Variants in MRTFA observed in about 807,000 individuals in gnomAD.
The protein encoded by MRTFA is myocardin related transcription factor A, also known as myocardin-related transcription factor A.
In MRTFA, 20 loss-of-function variants were observed where a neutral mutation model predicts 83.5. The observed-to-expected ratio is 0.24, with a 90% CI of 0.17 to 0.35. MRTFA has a LOEUF of 0.35. Ranked by LOEUF, MRTFA falls within the 10% of genes least tolerant of loss-of-function variation. The probability of loss-of-function intolerance (pLI) is 1.00; values close to 1 mark genes in which losing one functional copy is unlikely to be tolerated. For synonymous variants in MRTFA, 659 were observed against 541.2 expected (o/e 1.22, Z -3.02); for missense variants, 1,200 against 1,224.7 (o/e 0.98, Z 0.30).
At chr22:40,587,937 C>T (rs2056056405) in intron 2 of MRTFA, 2 of 377,038 alleles carry the variant, frequency 5.3e-6, no homozygotes, top group Non-Finnish European at 1.0e-5. Flanking sequence ...GACAAAGTGA[C>T]ATTTTTGCCA....
At chr22:40,589,450 G>GT (rs2056085700) in intron 2 of MRTFA, among the ~76,000 whole-genome samples, 1 of 152,178 alleles carries the variant, frequency 6.6e-6, no homozygotes, top group Non-Finnish European at 1.5e-5. Flanking sequence ...GAGAGGTTAA[G>GT]TAACTGCTGA....
chr22:40,511,193 G>A (rs1255471122), intron 3 of MRTFA, among the ~76,000 whole-genome samples: 2 of 152,012 alleles, frequency 1.3e-5, no homozygotes, highest in African/African-American at 4.8e-5. Context: ...ATATGATATA[G>A]GGCAGAGAGA....
intron 3 of MRTFA, among the ~76,000 whole-genome samples, chr22:40,510,178 T>C (rs918414678): frequency 9.2e-5 from 14 of 152,294 alleles, no homozygotes; most frequent in Middle Eastern, 6.8e-3. Flanking sequence ...CCAGCCACTG[T>C]ATAATTTACA....
intron 3 of MRTFA, among the ~76,000 whole-genome samples, chr22:40,521,395 CAG>C (rs2054863171): frequency 6.6e-6 from 1 of 152,232 alleles, no homozygotes; most frequent in Non-Finnish European, 1.5e-5. Context: ...TTTTTTCACT[CAG>C]AGTAATTCTC....
intron 9 of MRTFA, 28 bp from the exon 10 acceptor site, chr22:40,421,128 T>G: frequency 6.6e-7 from 1 of 1,507,096 alleles, no homozygotes; most frequent in Non-Finnish European, 8.9e-7. Context: ...AGGGTGCCAT[T>G]CAGGGGCAGC....
intron 3 of MRTFA, among the ~76,000 whole-genome samples, chr22:40,470,971 A>C (rs1172898936): frequency 6.6e-6 from 1 of 152,056 alleles, no homozygotes; most frequent in Non-Finnish European, 1.5e-5. Flanking sequence ...AAAACAAAAA[A>C]CAAAAACAAC....
At chr22:40,629,127 T>G (rs1045058871) in intron 1 of MRTFA, among the ~76,000 whole-genome samples, 1 of 151,754 alleles carries the variant, frequency 6.6e-6, no homozygotes, top group African/African-American at 2.4e-5. Flanking sequence ...TCTTCTCTTC[T>G]CTACAAAAAA....
intron 1 of MRTFA, among the ~76,000 whole-genome samples, chr22:40,610,173 G>C (rs992569271): frequency 1.3e-5 from 2 of 150,512 alleles, no homozygotes; most frequent in African/African-American, 4.9e-5. Context: ...CAGCCTCCCG[G>C]GTAGCTGGGA....
chr22:40,566,484 T>A (rs2055705623), intron 2 of MRTFA, among the ~76,000 whole-genome samples: 1 of 151,992 alleles, frequency 6.6e-6, no homozygotes. Flanking sequence ...CCTCCCAAAG[T>A]GCTGGGATTA....
At chr22:40,595,309 G>A (rs9623198) in intron 1 of MRTFA, among the ~76,000 whole-genome samples, 1 of 151,518 alleles carries the variant, frequency 6.6e-6, no homozygotes, top group Non-Finnish European at 1.5e-5. Context: ...TTTTAGTGGA[G>A]ACGGGGTTTC....
At chr22:40,502,215 C>G in intron 3 of MRTFA, among the ~76,000 whole-genome samples, 1 of 145,556 alleles carries the variant, frequency 6.9e-6, no homozygotes, top group African/African-American at 2.6e-5. Context: ...ACGCTCCTCA[C>G]TTCCCAGATG....
chr22:40,519,017 G>T (rs1188832555), intron 3 of MRTFA, among the ~76,000 whole-genome samples: 21 of 141,736 alleles, frequency 1.5e-4, no homozygotes, highest in East Asian at 1.5e-3. Flanking sequence ...TGTTTTTGGG[G>T]TTTTTTTTTT....
chr22:40,413,047 G>T (rs1027521679), intron 14 of MRTFA, among the ~76,000 whole-genome samples: 1 of 143,414 alleles, frequency 7.0e-6, no homozygotes, highest in African/African-American at 2.6e-5. Context: ...TGAGGTAGGA[G>T]AATGGCTTGA....
chr22:40,417,996 C>CCTG (rs2052722885), intron 12 of MRTFA, among the ~76,000 whole-genome samples: 1 of 152,132 alleles, frequency 6.6e-6, no homozygotes, highest in Non-Finnish European at 1.5e-5. Context: ...TGAGCTGGAT[C>CCTG]CTGGCCAGAG....
chr22:40,599,193 G>T (rs1233844965), intron 1 of MRTFA, among the ~76,000 whole-genome samples: 1 of 151,876 alleles, frequency 6.6e-6, no homozygotes, highest in African/African-American at 2.4e-5. Flanking sequence ...AGCTACTCAG[G>T]AGGCTGAGGC....
chr22:40,619,592 TAAAC>T (rs1469657105), intron 1 of MRTFA, among the ~76,000 whole-genome samples: 1 of 151,970 alleles, frequency 6.6e-6, no homozygotes, highest in Non-Finnish European at 1.5e-5. Context: ...GGAGAAATGT[TAAAC>T]AAAAAGAAAT....
rs777102194 is a variant in MRTFA, at chr22:40,420,510, G to A, written c.1248C>T (p.Ser416=). ...GCCCAGGGGCGCCCGAGCTGGAGCT[G>A]CTATTGGTAGTGGAGAGGCTGCGTA... The change falls in exon 11 of 15, where the codon AGC becomes AGT. Residue 416 remains serine (S), a synonymous_variant. Transcript: ENST00000355630. 1.2e-6 allele frequency: 2 copies of A among 1,613,812 alleles called. No individual in the cohort carries two copies. Among genetic ancestry groups the A allele is most frequent in the Non-Finnish European group, 1.7e-6 (2 of 1,180,040 alleles).
intron 11 of MRTFA, 80 bp from the exon 12 acceptor site, chr22:40,419,464 C>T (rs1462066905): frequency 3.8e-6 from 5 of 1,318,408 alleles, no homozygotes; most frequent in Non-Finnish European, 4.3e-6. Context: ...GCAGTCTGGG[C>T]CCCATGGGCC....
intron 4 of MRTFA, among the ~76,000 whole-genome samples, chr22:40,449,375 G>A (rs2053446002): frequency 6.6e-6 from 1 of 151,850 alleles, no homozygotes; most frequent in South Asian, 2.1e-4. Context: ...TTGGGAAGAA[G>A]AGAATAAAAA....
Sources: allele counts gnomAD v4.1 joint callset (sites outside exome capture counted in the v4.1 genomes callset), GRCh38; gene constraint gnomAD v4.1.1; transcripts MANE v1.5; gene names NCBI Gene and HGNC (gene_info 2026-07-23, HGNC 2026-07-21).